The following LOXHD1 variants were observed in gnomAD, a reference collection of about 807,000 sequenced individuals.
LOXHD1 encodes lipoxygenase homology domain-containing protein 1.
Under a neutral mutation model 248.2 loss-of-function variants are expected in LOXHD1, and 205 were observed. That is an observed-to-expected ratio of 0.83 (90% CI 0.74 to 0.93). The LOEUF (loss-of-function observed/expected upper bound fraction) is 0.93, where lower values mean the gene tolerates loss of function less well. LOXHD1 is among the 40% of genes least tolerant of loss of function. LOXHD1 has a pLI of 0.00. For missense variants in LOXHD1, 2,930 were observed against 2,971.6 expected, an observed-to-expected ratio of 0.99 and a Z score of 0.33; for synonymous variants, 1,113 against 1,162.8, an observed-to-expected ratio of 0.96 and a Z score of 0.87.
chr18:46,602,751 A>G (rs2038357884), intron 7 of LOXHD1, among the ~76,000 whole-genome samples: 1 of 152,104 alleles, frequency 6.6e-6, no homozygotes, highest in Admixed American at 6.5e-5. Flanking sequence ...CTTTGGGAGT[A>G]AATAAATAAA....
intron 37 of LOXHD1, among the ~76,000 whole-genome samples, chr18:46,502,262 A>G (rs1486386083): frequency 1.3e-5 from 2 of 152,178 alleles, no homozygotes; most frequent in African/African-American, 2.4e-5. Flanking sequence ...AAGGAAGGGT[A>G]CAGTATGGAG....
At chr18:46,611,707 GA>G (rs1487270993) in intron 5 of LOXHD1, among the ~76,000 whole-genome samples, 1 of 152,044 alleles carries the variant, frequency 6.6e-6, no homozygotes, top group Non-Finnish European at 1.5e-5. Flanking sequence ...CCACCATCCA[GA>G]TTTAAGAGAG....
intron 2 of LOXHD1, among the ~76,000 whole-genome samples, chr18:46,645,027 G>C (rs1454149932): frequency 1.3e-5 from 2 of 152,198 alleles, no homozygotes; most frequent in Non-Finnish European, 1.5e-5. Flanking sequence ...CAAGGGGAAG[G>C]CTTTCCACAT....
rs1204559888 is a variant in LOXHD1, at chr18:46,505,911, C to T, written c.5805G>A (p.Thr1935=). The change falls in exon 37 of 41, where the codon ACG becomes ACA. Residue 1935 remains threonine, a synonymous_variant. Coordinates refer to ENST00000642948, the MANE Select transcript of LOXHD1 (RefSeq NM_001384474.1). ...GCATGTCAGGGAAGTTGAATGTGTC[C>T]GTGTTGTTCCGCTCAAACTTGTTCC... ...ANWNKFERNN[T]DTFNFPDMLS... 1.4e-5 allele frequency: 22 copies of T among 1,551,774 alleles called. No individual in the cohort carries two copies. The highest frequency in any genetic ancestry group is 5.9e-5 in the Admixed American group (3 of 50,986).
chr18:46,632,131 G>A (rs906036642), intron 4 of LOXHD1, among the ~76,000 whole-genome samples: 3 of 152,174 alleles, frequency 2.0e-5, no homozygotes, highest in Non-Finnish European at 2.9e-5. Context: ...AATAATAGCC[G>A]CTACTTCTCG....
At chr18:46,582,653 C>T (rs987566798) in intron 12 of LOXHD1, among the ~76,000 whole-genome samples, 11 of 152,200 alleles carry the variant, frequency 7.2e-5, no homozygotes, top group Non-Finnish European at 1.2e-4. Flanking sequence ...CATCAAAAGC[C>T]GGAGTGTGGT....
At chr18:46,597,929 ATTTTTT>A (rs10711303) in intron 8 of LOXHD1, among the ~76,000 whole-genome samples, 4 of 140,232 alleles carry the variant, frequency 2.9e-5, no homozygotes, top group African/African-American at 5.3e-5. Context: ...AATTTTTTGC[ATTTTTT>A]TTTTTTTTTT....
Position 46,601,258 on chromosome 18 carries a change from G to A in LOXHD1, c.1093C>T (p.His365Tyr). The change falls in exon 8 of 41, where the codon CAT (histidine) becomes TAT (tyrosine). Residue 365 changes from histidine to tyrosine, a missense_variant. Physicochemically the swap from His to Tyr is moderately conservative, Grantham distance 83 (BLOSUM62 2). Transcript: ENST00000642948. Reference sequence around the variant, plus strand: ...CCTCTGTTGACACCCACATTGCCATGCCCGACGGAGACCCGACTCAGGGGG... The same window carrying A: ...CCTCTGTTGACACCCACATTGCCATACCCGACGGAGACCCGACTCAGGGGG... ...LSPLSRVSVGHGNVGVNRGWF... is the reference protein window; with the variant it reads ...LSPLSRVSVGYGNVGVNRGWF... 1 of 1,551,692 alleles carries A rather than the reference G, an allele frequency of 6.4e-7. No individual in the cohort carries two copies. The highest frequency in any genetic ancestry group is 1.2e-5 in the South Asian group (1 of 84,060).
intron 6 of LOXHD1, among the ~76,000 whole-genome samples, chr18:46,608,140 T>C (rs1245186801): frequency 6.6e-6 from 1 of 150,784 alleles, no homozygotes; most frequent in Non-Finnish European, 1.5e-5. Context: ...GGCAAGACTT[T>C]TGAATTAATA....
At chr18:46,631,800 T>C (rs1035043609) in intron 4 of LOXHD1, among the ~76,000 whole-genome samples, 3 of 152,202 alleles carry the variant, frequency 2.0e-5, no homozygotes, top group African/African-American at 7.2e-5. Context: ...CGATAGGGCC[T>C]GAATCACAGA....
intron 25 of LOXHD1, among the ~76,000 whole-genome samples, chr18:46,540,846 C>T (rs887447835): frequency 6.6e-6 from 1 of 151,916 alleles, no homozygotes; most frequent in African/African-American, 2.4e-5. Flanking sequence ...TTGGGCATGC[C>T]CAGCCAGAGA....
chr18:46,546,438 C>T (rs2036835968), intron 22 of LOXHD1, among the ~76,000 whole-genome samples: 3 of 151,422 alleles, frequency 2.0e-5, no homozygotes, highest in Non-Finnish European at 4.4e-5. Flanking sequence ...TACTTCAATG[C>T]ATTCCATTCC....
At position 46,569,576 on chromosome 18, in the gene LOXHD1, C is replaced by A. The variant is rs2037711446; in HGVS notation, c.2110G>T (p.Val704Phe). The change falls in exon 16 of 41, where the codon GTC becomes TTC. Residue 704 changes from valine to phenylalanine, a missense_variant. By Grantham distance (50) the Val-to-Phe change is conservative (BLOSUM62 -1). Coordinates refer to ENST00000642948, the MANE Select transcript of LOXHD1 (RefSeq NM_001384474.1). ...TTATCCCCATAGAGCTTGATGTAGA[C>A]TCTAGAATCCGTGCTGGCCCCAGAG... Reference protein sequence around the residue: ...DVSGASTDSRVYIKLYGDKSD... With the variant: ...DVSGASTDSRFYIKLYGDKSD... 1.3e-6 allele frequency: 2 copies of A among 1,551,752 alleles called. No homozygotes were observed. The highest frequency in any genetic ancestry group is 2.4e-5 in the South Asian group (2 of 84,052).
chr18:46,524,626 G>A, intron 30 of LOXHD1, 25 bp from the exon 31 acceptor site: 1 of 1,551,570 alleles, frequency 6.4e-7, no homozygotes, highest in Non-Finnish European at 8.7e-7. Context: ...AGGACTGGCA[G>A]TTGCAGCTCC....
chr18:46,550,989 C>G (rs1290360989), intron 21 of LOXHD1, among the ~76,000 whole-genome samples: 1 of 152,216 alleles, frequency 6.6e-6, no homozygotes, highest in East Asian at 1.9e-4. Flanking sequence ...CCCTGGCATA[C>G]AAGGCACTCA....
Position 46,569,565 on chromosome 18 carries a change from C to G in LOXHD1, c.2121G>C (p.Lys707Asn). 1 of 1,551,732 alleles carries G rather than the reference C, an allele frequency of 6.4e-7. No homozygotes were observed. The highest frequency in any genetic ancestry group is 8.7e-7 in the Non-Finnish European group (1 of 1,146,992). The change falls in exon 16 of 41, where the codon AAG becomes AAC. Residue 707 changes from lysine to asparagine, a missense_variant. Transcript: ENST00000642948. ...TGGTGTCAGATTTATCCCCATAGAG[C>G]TTGATGTAGACTCTAGAATCCGTGC... ...GASTDSRVYIKLYGDKSDTIK... is the reference protein window; with the variant it reads ...GASTDSRVYINLYGDKSDTIK...
At chr18:46,516,998 T>C (rs1445955643) in intron 34 of LOXHD1, among the ~76,000 whole-genome samples, 1 of 152,152 alleles carries the variant, frequency 6.6e-6, no homozygotes, top group Non-Finnish European at 1.5e-5. Flanking sequence ...ATTGAGTGCC[T>C]ACTATAAGCA....
Position 46,550,579 on chromosome 18 carries a change from CAAA to C in LOXHD1, c.3351-3524_3351-3522del, listed in dbSNP as rs754046200. Among the ~76,000 whole-genome samples the C allele has an allele frequency of 4.5e-3, 206 of 45,462 alleles. 2 individuals are homozygous for C. The South Asian group carries it at 0.08, about 18-fold the overall frequency. The allele number at this position is 45,462 out of a possible 152,430, so 29.8% of individuals were successfully genotyped here. On this transcript the variant is annotated intron_variant, in intron 21 of 40. Coordinates refer to ENST00000642948, the MANE Select transcript of LOXHD1 (RefSeq NM_001384474.1). ...TGGGCGACAGAGCGAGACTCCGTCT[CAAA>C]AAAAAAAAAAAAAAAAAAAGAGTCA...
chr18:46,568,379 T>C (rs561174375), intron 16 of LOXHD1, among the ~76,000 whole-genome samples: 1 of 152,318 alleles, frequency 6.6e-6, no homozygotes, highest in African/African-American at 2.4e-5. Context: ...GGCCAAACTC[T>C]AGCCAGGCTC....
Sources: gnomAD v4.1 joint callset for allele counts (sites outside exome capture counted in the v4.1 genomes callset) on GRCh38, gnomAD v4.1.1 for gene constraint, MANE v1.5 for transcripts, NCBI Gene and HGNC (gene_info 2026-07-23, HGNC 2026-07-21) for gene names.